TEC: variants seen among roughly 807,000 people sequenced by gnomAD.
TEC encodes tec protein tyrosine kinase, also known as tyrosine-protein kinase Tec.
TEC carries 72 observed loss-of-function variants against 93.0 expected under a neutral mutation model. The ratio of observed to expected loss-of-function variants is 0.77; its 90% confidence interval spans 0.64 to 0.94. The LOEUF (loss-of-function observed/expected upper bound fraction) is 0.94, where lower values mean the gene tolerates loss of function less well. Ranked by LOEUF, TEC falls within the 40% of genes least tolerant of loss-of-function variation. The probability of loss-of-function intolerance (pLI) is 0.00; values close to 1 mark genes in which losing one functional copy is unlikely to be tolerated. For synonymous variants in TEC, 249 were observed against 247.7 expected (o/e 1.01, Z -0.05); for missense variants, 630 against 757.9 (o/e 0.83, Z 1.98).
chr4:48,264,712 C>T (rs75666618), intron 1 of TEC, among the ~76,000 whole-genome samples: 3,969 of 151,810 alleles, frequency 0.026, 171 homozygotes, highest in African/African-American at 0.09. Flanking sequence ...TATCGGCTCA[C>T]TACAACCTCA....
In TEC at chr4:48,138,828, A is replaced by G; in HGVS notation, c.1655-6T>C. 1 of 1,613,528 alleles carries G rather than the reference A, an allele frequency of 6.2e-7. No individual in the cohort carries two copies. ...TACTTCCCACATTAAAACACCTGGAAAAGGATAAGGATTACCAAATGGATG... is the reference window on the plus strand; with the variant it reads ...TACTTCCCACATTAAAACACCTGGAGAAGGATAAGGATTACCAAATGGATG... On this transcript the variant is annotated splice_polypyrimidine_tract_variant and splice_region_variant and intron_variant, in intron 16 of 17. Transcript: ENST00000381501.
intron 2 of TEC, among the ~76,000 whole-genome samples, chr4:48,188,354 C>T (rs1445664780): frequency 1.3e-5 from 2 of 152,180 alleles, no homozygotes; most frequent in Non-Finnish European, 2.9e-5. Flanking sequence ...CTCCACACCT[C>T]AGCTACTCAA....
At chr4:48,265,764 T>C (rs1724625741) in intron 1 of TEC, among the ~76,000 whole-genome samples, 1 of 152,090 alleles carries the variant, frequency 6.6e-6, no homozygotes, top group Non-Finnish European at 1.5e-5. Context: ...CGGCCTGCCT[T>C]GGCCTCCCAA....
intron 1 of TEC, among the ~76,000 whole-genome samples, chr4:48,265,965 T>G (rs1724630000): frequency 6.6e-6 from 1 of 152,052 alleles, no homozygotes; most frequent in Non-Finnish European, 1.5e-5. Context: ...TTCTATAAAC[T>G]TCAGGGAGGA....
At chr4:48,258,547 T>C (rs1451025132) in intron 1 of TEC, among the ~76,000 whole-genome samples, 1 of 152,250 alleles carries the variant, frequency 6.6e-6, no homozygotes, top group Admixed American at 6.5e-5. Context: ...CCCTCTTGTA[T>C]GTAATTTATT....
chr4:48,207,618 CAA>C (rs34141042), intron 2 of TEC, among the ~76,000 whole-genome samples: 14 of 102,500 alleles, frequency 1.4e-4, no homozygotes, highest in Non-Finnish European at 9.7e-5. Context: ...CATGTCTCTA[CAA>C]AAAAAAAAAA....
intron 2 of TEC, among the ~76,000 whole-genome samples, chr4:48,226,150 C>G (rs1183671986): frequency 6.6e-6 from 1 of 152,196 alleles, no homozygotes; most frequent in Non-Finnish European, 1.5e-5. Flanking sequence ...TTATCTTCTT[C>G]AAAGTGAGTT....
At chr4:48,226,300 A>C (rs1356981324) in intron 2 of TEC, among the ~76,000 whole-genome samples, 1 of 152,142 alleles carries the variant, frequency 6.6e-6, no homozygotes, top group Non-Finnish European at 1.5e-5. Context: ...GTTGACCCTT[A>C]AACAATATGG....
intron 2 of TEC, among the ~76,000 whole-genome samples, chr4:48,192,329 G>A (rs960623734): frequency 4.6e-5 from 7 of 152,102 alleles, no homozygotes; most frequent in Admixed American, 2.6e-4. Context: ...TTAGATCAGC[G>A]ATTACCTAGG....
chr4:48,230,858 T>C (rs1237476737), intron 1 of TEC, among the ~76,000 whole-genome samples: 1 of 152,068 alleles, frequency 6.6e-6, no homozygotes, highest in Non-Finnish European at 1.5e-5. Context: ...AGCTCAAAAT[T>C]CCCCTCCTTG....
At chr4:48,169,377 T>TA (rs547712523) in intron 5 of TEC, among the ~76,000 whole-genome samples, 31 of 148,048 alleles carry the variant, frequency 2.1e-4, no homozygotes, top group Admixed American at 6.8e-4. Context: ...CTTAAGACAT[T>TA]AAAAAAAAAA....
At chr4:48,137,970 G>T (rs1187483102) in intron 17 of TEC, among the ~76,000 whole-genome samples, 1 of 152,066 alleles carries the variant, frequency 6.6e-6, no homozygotes, top group Non-Finnish European at 1.5e-5. Flanking sequence ...GAATGTCTCT[G>T]CCCATCCCAA....
At chr4:48,241,922 A>C (rs1054150715) in intron 1 of TEC, among the ~76,000 whole-genome samples, 14 of 152,246 alleles carry the variant, frequency 9.2e-5, no homozygotes, top group African/African-American at 3.4e-4. Flanking sequence ...TTTATTGCAC[A>C]GTCATGATGT....
chr4:48,217,465 G>C (rs191155368), intron 2 of TEC, among the ~76,000 whole-genome samples: 1 of 152,222 alleles, frequency 6.6e-6, no homozygotes, highest in Admixed American at 6.5e-5. Context: ...GGTGGGGAGG[G>C]ACACCTTCAG....
chr4:48,250,553 G>A (rs1724173511), intron 1 of TEC, among the ~76,000 whole-genome samples: 1 of 152,176 alleles, frequency 6.6e-6, no homozygotes. Flanking sequence ...GTGTGCGTTT[G>A]TTTCTACTTC....
chr4:48,265,869 C>G (rs1304235931), intron 1 of TEC, among the ~76,000 whole-genome samples: 1 of 152,072 alleles, frequency 6.6e-6, no homozygotes, highest in Non-Finnish European at 1.5e-5. Flanking sequence ...TTTCCAGATT[C>G]AAAGAGCCCA....
chr4:48,252,488 C>A (rs1425691940), intron 1 of TEC, among the ~76,000 whole-genome samples: 4 of 152,172 alleles, frequency 2.6e-5, no homozygotes, highest in Admixed American at 6.5e-5. Flanking sequence ...TGGGTTCTGT[C>A]CCTGGTTCTG....
At chr4:48,198,724 A>T (rs1179765401) in intron 2 of TEC, among the ~76,000 whole-genome samples, 3 of 152,192 alleles carry the variant, frequency 2.0e-5, no homozygotes, top group Non-Finnish European at 2.9e-5. Context: ...CCCCAGCTGG[A>T]AAAACTAAGA....
chr4:48,162,375 A>C (rs1037619639), intron 8 of TEC, among the ~76,000 whole-genome samples: 1 of 152,226 alleles, frequency 6.6e-6, no homozygotes, highest in African/African-American at 2.4e-5. Context: ...ATGAATCATA[A>C]ACTTCAATAT....
Sources: gnomAD v4.1 joint callset for allele counts (sites outside exome capture counted in the v4.1 genomes callset) on GRCh38, gnomAD v4.1.1 for gene constraint, MANE v1.5 for transcripts, NCBI Gene and HGNC (gene_info 2026-07-23, HGNC 2026-07-21) for gene names.